The following SESN3 variants were observed in gnomAD, a reference collection of about 807,000 sequenced individuals.
The protein encoded by SESN3 is sestrin-3.
A neutral mutation model predicts 55.3 loss-of-function variants in SESN3; 21 were observed. The ratio of observed to expected loss-of-function variants is 0.38; its 90% CI spans 0.27 to 0.55. The LOEUF (loss-of-function observed/expected upper bound fraction) is 0.55. Ranked by LOEUF, SESN3 falls within the 20% of genes least tolerant of loss-of-function variation. SESN3 has a pLI of 0.76. For missense variants in SESN3, 408 were observed against 604.3 expected (o/e 0.68, Z 3.41); for synonymous variants, 181 against 203.1 (o/e 0.89, Z 0.93).
At chr11:95,189,627 A>T (rs898545551) in intron 4 of SESN3, 152 bp downstream of exon 4, 2 of 522,388 alleles carry the variant, frequency 3.8e-6, no homozygotes, top group Non-Finnish European at 6.6e-6. Context: ...GAGGAGAAGT[A>T]TTCATTTGTG....
At chr11:95,191,365 A>T in intron 3 of SESN3, 39 bp downstream of exon 3, 1 of 1,428,278 alleles carries the variant, frequency 7.0e-7, no homozygotes, top group Non-Finnish European at 9.9e-7. Flanking sequence ...AGAATAAGTG[A>T]GGAAGGTGTT....
At chr11:95,199,095 T>G (rs1463472578) in intron 1 of SESN3, among the ~76,000 whole-genome samples, 1 of 152,052 alleles carries the variant, frequency 6.6e-6, no homozygotes, top group African/African-American at 2.4e-5. Flanking sequence ...TGAAAGAAAT[T>G]ATCTAAAATG....
chr11:95,224,397 C>G (rs1290658936), intron 1 of SESN3: 1 of 396,912 alleles, frequency 2.5e-6, no homozygotes, highest in Non-Finnish European at 4.9e-6. Flanking sequence ...TAGAGGAAAA[C>G]AACTGACAAC....
rs1186554298 is a variant in SESN3 at position 95,168,990 on chromosome 11, T to C, written c.*4265A>G. 1 of 152,264 alleles carries C rather than the reference T, an allele frequency of 6.6e-6. No individual in the cohort carries two copies. Among genetic ancestry groups the C allele is most frequent in the Non-Finnish European group, 1.5e-5 (1 of 68,096 alleles). The allele number at this position is 152,264 out of a possible 1,614,324, so 9.4% of individuals were successfully genotyped here. On this transcript the variant is annotated 3_prime_UTR_variant, in exon 10 of 10. Coordinates refer to ENST00000536441, the MANE Select transcript of SESN3 (RefSeq NM_144665.4). ...TACGGTGCTGAAGGCAGCCACACTC[T>C]CAGCACTATGTTCCTCATATTCTTT...
chr11:95,190,268 AAT>A (rs1396679076), intron 3 of SESN3, among the ~76,000 whole-genome samples: 1 of 151,984 alleles, frequency 6.6e-6, no homozygotes, highest in African/African-American at 2.4e-5. Flanking sequence ...CAATATGACA[AAT>A]ATACCTATTA....
At chr11:95,189,700 G>A (rs1860231150) in intron 4 of SESN3, 79 bp downstream of exon 4, 3 of 974,774 alleles carry the variant, frequency 3.1e-6, no homozygotes, top group Non-Finnish European at 4.5e-6. Flanking sequence ...TATTATTTAT[G>A]TTCCAAGTTC....
chr11:95,191,340 T>C, intron 3 of SESN3, 64 bp downstream of exon 3: 1 of 1,271,572 alleles, frequency 7.9e-7, no homozygotes. Flanking sequence ...CACATGCCTA[T>C]TTTGGAAGGG....
At chr11:95,210,133 C>T (rs375050922) in intron 1 of SESN3, among the ~76,000 whole-genome samples, 8 of 152,026 alleles carry the variant, frequency 5.3e-5, no homozygotes, top group East Asian at 1.9e-4. Context: ...AACCAAACAC[C>T]GCATGTTCTT....
At chr11:95,218,348 G>C (rs1005168285) in intron 1 of SESN3, among the ~76,000 whole-genome samples, 1 of 152,190 alleles carries the variant, frequency 6.6e-6, no homozygotes, top group Non-Finnish European at 1.5e-5. Context: ...GGCATAAGTT[G>C]CAAGTCATCA....
intron 9 of SESN3, among the ~76,000 whole-genome samples, chr11:95,175,036 C>T (rs1008674602): frequency 3.7e-4 from 56 of 152,112 alleles, no homozygotes; most frequent in Non-Finnish European, 3.7e-4. Flanking sequence ...ACATCCATTT[C>T]GAGATTCTTT....
intron 1 of SESN3, among the ~76,000 whole-genome samples, chr11:95,222,644 T>C (rs936495085): frequency 3.3e-5 from 5 of 152,196 alleles, no homozygotes; most frequent in African/African-American, 1.2e-4. Flanking sequence ...GTTTATGTAA[T>C]TGTTAATTAT....
At chr11:95,178,368 C>T (rs1184578173) in intron 7 of SESN3, among the ~76,000 whole-genome samples, 1 of 152,144 alleles carries the variant, frequency 6.6e-6, no homozygotes, top group Non-Finnish European at 1.5e-5. Flanking sequence ...GCCCTTAAGC[C>T]CATGACTACT....
At chr11:95,190,216 T>C (rs1021631242) in intron 3 of SESN3, among the ~76,000 whole-genome samples, 2 of 151,968 alleles carry the variant, frequency 1.3e-5, no homozygotes, top group Non-Finnish European at 2.9e-5. Flanking sequence ...GCTTAAGCCA[T>C]AGCCCACTTT....
intron 1 of SESN3, among the ~76,000 whole-genome samples, chr11:95,210,205 C>T (rs1196187247): frequency 6.6e-5 from 10 of 150,932 alleles, no homozygotes; most frequent in Admixed American, 1.3e-4. Context: ...TATCATACAC[C>T]GGAGCCTGTA....
rs1373232027 is a variant in SESN3 at position 95,173,319 on chromosome 11, A to G, written c.1415T>C (p.Met472Thr). The change falls in exon 10 of 10, where the codon ATG becomes ACG. Residue 472 changes from methionine to threonine, a missense_variant. Physicochemically the swap from Met to Thr is moderately conservative, Grantham distance 81. Coordinates refer to ENST00000536441, the MANE Select transcript of SESN3 (RefSeq NM_144665.4). ...SEKVHVNLLL[M>T]EARMQAELLY... ...AAGTTCAGCTTGCATTCGTGCTTCC[A>G]TTAAAAGTAGATTGACATGAACCTA... 1.3e-6 allele frequency: 2 copies of G among 1,597,528 alleles called. No homozygotes were observed. The highest frequency in any genetic ancestry group is 1.7e-6 in the Non-Finnish European group (2 of 1,166,286).
Position 95,185,367 on chromosome 11 carries a change from A to G in SESN3, c.651T>C (p.Asp217=). 6.2e-7 allele frequency: 1 copy of G among 1,613,198 alleles called. No homozygotes were observed. Among genetic ancestry groups the G allele is most frequent in the South Asian group, 1.1e-5 (1 of 91,058 alleles). The part of the protein sequence containing the change: ...VFGSGINPER[D]PEISNGFRLI... ...GCCTGAATCCATTGGAGATTTCTGG[A>G]TCTCTCTCTGGATTGATACCACTAC... is the stretch of plus-strand genomic sequence containing the variant. Residue 217 remains aspartate, a synonymous_variant, in exon 5 of 10, where the codon GAT becomes GAC. Coordinates refer to ENST00000536441, the MANE Select transcript of SESN3 (RefSeq NM_144665.4).
rs1330568703 is a variant in SESN3 at position 95,193,510 on chromosome 11, T to C, written c.91A>G (p.Arg31Gly). 2.5e-6 allele frequency: 4 copies of C among 1,589,552 alleles called. No individual in the cohort carries two copies. Among genetic ancestry groups the C allele is most frequent in the Non-Finnish European group, 3.4e-6 (4 of 1,159,620 alleles). The change falls in exon 2 of 10, where the codon AGA becomes GGA. Residue 31 changes from arginine (R) to glycine (G), a missense_variant. Around this residue, in one of 4 missense-constraint regions of SESN3, gnomAD observed 61 missense variants for 48.3 expected, o/e 1.26. Transcript: ENST00000536441. The stretch of plus-strand genomic sequence containing the variant: ...CCTCTTGTCAAGGGTTGAGACACTC[T>C]GATTCTTTTATCCTATTTTTAAAAG... ...RKVLRKDKRI[R>G]VSQPLTRGPS...
chr11:95,203,519 C>A lies in SESN3; in HGVS notation c.79-9997G>T, dbSNP rs577705563. ...ACTTAAAAGAACAGAAGTCTTTATT[C>A]CTAGTTTTGAAAGGAGCAGTCACAT... On this transcript the variant is annotated intron_variant, in intron 1 of 9. Coordinates refer to ENST00000536441, the MANE Select transcript of SESN3 (RefSeq NM_144665.4). Among the ~76,000 whole-genome samples, 18 of 152,112 alleles carry A rather than the reference C, an allele frequency of 1.2e-4. No homozygotes were observed. The South Asian group carries it at 3.7e-3, about 32-fold the overall frequency.
Position 95,230,887 on chromosome 11 carries a change from C to G in SESN3, c.-27G>C, listed in dbSNP as rs1485923828. On this transcript the variant is annotated 5_prime_UTR_variant, in exon 1 of 10. Transcript: ENST00000536441. The surrounding 1 kb of genome is among the most constrained non-coding windows in gnomAD (Gnocchi z 4.6). Reference sequence around the variant, plus strand: ...GTGGCTGCGGGCGCCGAGGCGAGAGCGGGCGGAGGGCCGGGTCCGGGCTGT... The same window carrying G: ...GTGGCTGCGGGCGCCGAGGCGAGAGGGGGCGGAGGGCCGGGTCCGGGCTGT... 1.7e-5 allele frequency: 26 copies of G among 1,529,928 alleles called. No homozygotes were observed. Among genetic ancestry groups the G allele is most frequent in the Non-Finnish European group, 2.2e-5 (25 of 1,143,808 alleles). 94.8% of individuals were successfully genotyped at this position (1,529,928 alleles called of 1,614,324 possible).
Sources: gnomAD v4.1 joint callset for allele counts (sites outside exome capture counted in the v4.1 genomes callset) on GRCh38, gnomAD v4.1.1 for gene constraint, gnomAD v4.1.1 regional missense constraint, Gnocchi (gnomAD v3.1) non-coding constraint, MANE v1.5 for transcripts, NCBI Gene and HGNC (gene_info 2026-07-23, HGNC 2026-07-21) for gene names.